Variants in SUPT3H observed in about 807,000 individuals in gnomAD.
The protein encoded by SUPT3H is SPT3 homolog, SAGA and STAGA complex component.
Under a neutral mutation model 44.3 loss-of-function variants are expected in SUPT3H, and 44 were observed. The ratio of observed to expected loss-of-function variants is 0.99; its 90% CI spans 0.78 to 1.28. SUPT3H has a LOEUF of 1.28. Among genes scored for constraint, SUPT3H ranks in the 50% most tolerant of loss-of-function variants. The pLI is 0.00. For synonymous variants in SUPT3H, 124 were observed against 125.6 expected (o/e 0.99, Z 0.09); for missense variants, 380 against 387.1 (o/e 0.98, Z 0.15).
At chr6:44,934,652 A>G (rs1030805919) in intron 9 of SUPT3H, among the ~76,000 whole-genome samples, 2 of 152,312 alleles carry the variant, frequency 1.3e-5, no homozygotes, top group East Asian at 1.9e-4. Context: ...CCTTTTAAAG[A>G]GACCAGGGAA....
At chr6:45,256,009 A>G (rs1177870700) in intron 2 of SUPT3H, among the ~76,000 whole-genome samples, 1 of 152,068 alleles carries the variant, frequency 6.6e-6, no homozygotes, top group Non-Finnish European at 1.5e-5. Context: ...GTCTCTACTA[A>G]AGATACAAAA....
intron 10 of SUPT3H, among the ~76,000 whole-genome samples, chr6:44,922,725 G>C (rs1768924313): frequency 1.3e-5 from 2 of 152,006 alleles, no homozygotes; most frequent in South Asian, 4.1e-4. Flanking sequence ...TTTTTGCTAG[G>C]TCAACATGAG....
At chr6:45,022,846 C>A (rs921676844) in intron 3 of SUPT3H, among the ~76,000 whole-genome samples, 3 of 152,026 alleles carry the variant, frequency 2.0e-5, no homozygotes, top group Non-Finnish European at 2.9e-5. Flanking sequence ...CCCTATGGAA[C>A]CTGTGTATCC....
At chr6:45,124,192 T>G (rs1045111292) in intron 2 of SUPT3H, among the ~76,000 whole-genome samples, 1 of 152,204 alleles carries the variant, frequency 6.6e-6, no homozygotes, top group Non-Finnish European at 1.5e-5. Context: ...CTTGAGTTAA[T>G]GTAAGGATGA....
At chr6:44,916,666 G>A (rs566985310) in intron 10 of SUPT3H, among the ~76,000 whole-genome samples, 3 of 152,232 alleles carry the variant, frequency 2.0e-5, no homozygotes, top group African/African-American at 7.2e-5. Context: ...ATGTCAGGCT[G>A]GGCTTCCCTT....
At chr6:44,892,829 A>C (rs1264847337) in intron 10 of SUPT3H, among the ~76,000 whole-genome samples, 3 of 152,170 alleles carry the variant, frequency 2.0e-5, no homozygotes, top group African/African-American at 7.2e-5. Context: ...ACATGGCTTC[A>C]TCAAATCAAA....
intron 11 of SUPT3H, among the ~76,000 whole-genome samples, chr6:44,810,898 A>C (rs1766470196): frequency 7.3e-6 from 1 of 137,652 alleles, no homozygotes; most frequent in African/African-American, 2.6e-5. Flanking sequence ...AGAGCGAGAG[A>C]CTCCATCTCA....
intron 10 of SUPT3H, among the ~76,000 whole-genome samples, chr6:44,914,869 G>A (rs1455824372): frequency 6.6e-6 from 1 of 152,170 alleles, no homozygotes; most frequent in African/African-American, 2.4e-5. Context: ...ACCAGGTGTG[G>A]ATCAGATCAG....
rs905817163 is a variant in SUPT3H at position 45,214,892 on chromosome 6, C to T, written c.102-108886G>A. Among the ~76,000 whole-genome samples, 6 of 152,094 alleles carry T rather than the reference C, an allele frequency of 3.9e-5. No individual in the cohort carries two copies. The South Asian group carries it at 6.2e-4, about 16-fold the overall frequency. ...TTGTAACCCCCTCACGACCGAGAGTCGGCACTCCATGCCCCTTCCTAGTGA... is the reference window on the plus strand; with the variant it reads ...TTGTAACCCCCTCACGACCGAGAGTTGGCACTCCATGCCCCTTCCTAGTGA... On this transcript the variant is annotated intron_variant, in intron 2 of 10. Coordinates refer to ENST00000371459, the MANE Select transcript of SUPT3H (RefSeq NM_003599.4).
At chr6:45,202,931 A>C (rs1482177963) in intron 2 of SUPT3H, among the ~76,000 whole-genome samples, 1 of 152,010 alleles carries the variant, frequency 6.6e-6, no homozygotes, top group East Asian at 1.9e-4. Context: ...TATATATATA[A>C]ATCACTAGAG....
At chr6:45,053,740 CAAA>C (rs57736879) in intron 3 of SUPT3H, among the ~76,000 whole-genome samples, 4 of 59,442 alleles carry the variant, frequency 6.7e-5, no homozygotes, top group Admixed American at 2.2e-4. Context: ...ACTAAAAATA[CAAA>C]AAAAAAAAAA....
chr6:45,154,893 C>T (rs1480531161), intron 2 of SUPT3H, among the ~76,000 whole-genome samples: 1 of 152,068 alleles, frequency 6.6e-6, no homozygotes, highest in Admixed American at 6.6e-5. Flanking sequence ...CTTCAGAGGG[C>T]AAAGGGGAAG....
intron 2 of SUPT3H, among the ~76,000 whole-genome samples, chr6:45,350,238 T>C (rs1330361269): frequency 1.3e-5 from 2 of 152,194 alleles, no homozygotes; most frequent in African/African-American, 2.4e-5. Flanking sequence ...GAATGGTGCA[T>C]AGTACACAGT....
rs115588946 is a variant in SUPT3H, at chr6:45,271,394, G to T, written c.101+93807C>A. Among the ~76,000 whole-genome samples the T allele has an allele frequency of 4.7e-4, 71 of 152,276 alleles. 2 individuals carry two copies. In the East Asian group the frequency reaches 0.011, roughly 24 times the overall value. On this transcript the variant is annotated intron_variant, in intron 2 of 10. Transcript: ENST00000371459. ...GCAGTCTAGGGACTTGGTGTCCTAC[G>T]TGCCAGGTGCTCCAGACATGACTAA...
chr6:45,112,628 G>A (rs1371028993), intron 2 of SUPT3H, among the ~76,000 whole-genome samples: 1 of 152,120 alleles, frequency 6.6e-6, no homozygotes, highest in East Asian at 1.9e-4. Context: ...TAGAGGGGAA[G>A]TGCTGATTAA....
intron 2 of SUPT3H, among the ~76,000 whole-genome samples, chr6:45,307,481 C>G (rs538989072): frequency 1.3e-5 from 2 of 152,212 alleles, no homozygotes; most frequent in Non-Finnish European, 1.5e-5. Context: ...GTTCTGCAGC[C>G]TCCGCTGCTG....
intron 9 of SUPT3H, among the ~76,000 whole-genome samples, chr6:44,937,493 C>CAAAAAAAAAA (rs752102544): frequency 1.1e-4 from 16 of 141,430 alleles, no homozygotes; most frequent in African/African-American, 4.2e-4. Flanking sequence ...GACACTGTCT[C>CAAAAAAAAAA]AAAAAAAAAA....
chr6:45,194,537 T>C (rs896009868), intron 2 of SUPT3H, among the ~76,000 whole-genome samples: 1 of 152,144 alleles, frequency 6.6e-6, no homozygotes, highest in African/African-American at 2.4e-5. Flanking sequence ...CATTCAATCT[T>C]CTATGACTAA....
At chr6:45,267,221 C>G (rs1349312600) in intron 2 of SUPT3H, among the ~76,000 whole-genome samples, 2 of 152,110 alleles carry the variant, frequency 1.3e-5, no homozygotes, top group Non-Finnish European at 2.9e-5. Flanking sequence ...CCACACATAT[C>G]TCCGATTTTA....
Sources: allele counts gnomAD v4.1 joint callset (sites outside exome capture counted in the v4.1 genomes callset), GRCh38; gene constraint gnomAD v4.1.1; transcripts MANE v1.5; gene names NCBI Gene and HGNC (gene_info 2026-07-23, HGNC 2026-07-21).